MALRD1: variants seen among roughly 807,000 people sequenced by gnomAD.
The protein encoded by MALRD1 is MAM and LDL-receptor class A domain-containing protein 1.
In MALRD1, 247 loss-of-function variants were observed where a neutral mutation model predicts 242.1. That is an observed-to-expected ratio of 1.02 (90% CI 0.92 to 1.13). The LOEUF (loss-of-function observed/expected upper bound fraction) is 1.13, where lower values mean the gene tolerates loss of function less well. Among genes scored for constraint, MALRD1 ranks in the 50% most tolerant of loss-of-function variants. The pLI, the probability that MALRD1 is intolerant of heterozygous loss-of-function variation, is 0.00. For missense variants in MALRD1, 2,989 were observed against 2,533.1 expected, an observed-to-expected ratio of 1.18 and a Z score of -3.86; for synonymous variants, 995 against 866.6, an observed-to-expected ratio of 1.15 and a Z score of -2.60.
chr10:19,082,240 C>T (rs1303785812), intron 2 of MALRD1, among the ~76,000 whole-genome samples: 1 of 151,574 alleles, frequency 6.6e-6, no homozygotes, highest in Non-Finnish European at 1.5e-5. Flanking sequence ...TTTACAACAA[C>T]TTAGGTTGGA....
chr10:19,235,613 A>AGAGAGAGAGAGAGAGC lies in MALRD1; in HGVS notation c.2992-22070_2992-22069insAGAGAGAGAGAGAGCG, dbSNP rs769851042. On this transcript the variant is annotated intron_variant, in intron 18 of 39. Coordinates refer to ENST00000454679, the MANE Select transcript of MALRD1 (RefSeq NM_001142308.3). ...GAGAGAGAGAGAGAGAGAGAGAGAG[A>AGAGAGAGAGAGAGAGC]GCGCCTAGGTAAGAGGCCACCAACC... Among the ~76,000 whole-genome samples, 10 of 143,738 alleles carry AGAGAGAGAGAGAGAGC rather than the reference A, an allele frequency of 7.0e-5. 1 individual carries two copies. Among genetic ancestry groups the AGAGAGAGAGAGAGAGC allele is most frequent in the African/African-American group, 2.4e-4 (9 of 38,292 alleles). The allele number at this position is 143,738 out of a possible 152,430, so 94.3% of individuals were successfully genotyped here.
chr10:19,146,223 G>T lies in MALRD1; in HGVS notation c.1437G>T (p.Glu479Asp). 8.1e-7 allele frequency: 1 copy of T among 1,231,654 alleles called. No homozygotes were observed. Among genetic ancestry groups the T allele is most frequent in the Non-Finnish European group, 1.0e-6 (1 of 987,948 alleles). The allele number at this position is 1,231,654 out of a possible 1,614,324, so 76.3% of individuals were successfully genotyped here. A position where few individuals can be genotyped will look rare whatever the true frequency, so the allele number is the denominator to read the frequency against. ...TCSKHLTCDFESGFCGWEPFL... is the reference protein window; with the variant it reads ...TCSKHLTCDFDSGFCGWEPFL... ...CAAAGCATCTCACCTGTGACTTTGA[G>T]TCGGGTTTCTGCGGTTGGGAGCCAT... Residue 479 changes from glutamate (E) to aspartate (D), a missense_variant, in exon 11 of 40, where the codon GAG (glutamate) becomes GAT (aspartate). Transcript: ENST00000454679.
intron 29 of MALRD1, among the ~76,000 whole-genome samples, chr10:19,470,309 G>A (rs190616777): frequency 1.3e-3 from 205 of 152,012 alleles, no homozygotes; most frequent in African/African-American, 4.3e-3. Flanking sequence ...ATATTCCATT[G>A]CGTGTGTATA....
intron 22 of MALRD1, among the ~76,000 whole-genome samples, chr10:19,325,478 C>G (rs1291694439): frequency 6.6e-6 from 1 of 150,614 alleles, no homozygotes; most frequent in South Asian, 2.1e-4. Context: ...AATATTAATT[C>G]AGATTCCCAA....
intron 33 of MALRD1, among the ~76,000 whole-genome samples, chr10:19,569,745 T>C (rs995525648): frequency 6.8e-6 from 1 of 147,236 alleles, no homozygotes; most frequent in African/African-American, 2.5e-5. Flanking sequence ...GCAGTCCATA[T>C]ATAGAATTCC....
intron 5 of MALRD1, among the ~76,000 whole-genome samples, chr10:19,112,694 A>G (rs1836720659): frequency 6.6e-6 from 1 of 152,184 alleles, no homozygotes. Context: ...TTTTATCTGG[A>G]TAACTTTAGT....
intron 1 of MALRD1, among the ~76,000 whole-genome samples, chr10:19,060,031 G>A (rs948319796): frequency 3.9e-5 from 6 of 152,160 alleles, no homozygotes; most frequent in African/African-American, 4.8e-5. Context: ...GGGTTAAATC[G>A]TGCATTGTCT....
chr10:19,447,871 A>G (rs1165817621), intron 28 of MALRD1, among the ~76,000 whole-genome samples: 1 of 152,222 alleles, frequency 6.6e-6, no homozygotes, highest in East Asian at 1.9e-4. Flanking sequence ...ACGAAATTCC[A>G]TTAATTAGGT....
At chr10:19,344,840 A>G (rs1257447728) in intron 24 of MALRD1, among the ~76,000 whole-genome samples, 5 of 151,978 alleles carry the variant, frequency 3.3e-5, no homozygotes, top group Admixed American at 2.0e-4. Flanking sequence ...TCAGCCTACA[A>G]ATTTTGTACC....
chr10:19,128,396 A>C lies in MALRD1; in HGVS notation c.1110+9A>C. 2.4e-6 allele frequency: 3 copies of C among 1,231,832 alleles called. No homozygotes were observed. Among genetic ancestry groups the C allele is most frequent in the Non-Finnish European group, 2.0e-6 (2 of 986,428 alleles). The allele number at this position is 1,231,832 out of a possible 1,614,324, so 76.3% of individuals were successfully genotyped here. On this transcript the variant is annotated intron_variant, in intron 8 of 39. Transcript: ENST00000454679. ...GACTGTATAATAATAAGGTAAGAAG[A>C]AAGTTGCATTTATTTCAAATTCATT...
chr10:19,609,270 T>G (rs1470216062), intron 35 of MALRD1, among the ~76,000 whole-genome samples: 1 of 152,046 alleles, frequency 6.6e-6, no homozygotes, highest in Non-Finnish European at 1.5e-5. Flanking sequence ...GACACAGATA[T>G]TGGGTTAGAG....
At chr10:19,387,415 A>G (rs1486972884) in intron 26 of MALRD1, 113 bp from the exon 27 acceptor site, 31 of 1,313,984 alleles carry the variant, frequency 2.4e-5, no homozygotes, top group Middle Eastern at 4.3e-4. Context: ...TCAAATTCCT[A>G]AGAACAATAT....
Position 19,305,893 on chromosome 10 carries a change from T to TAA in MALRD1, c.3420-18056_3420-18055insAA, listed in dbSNP as rs546556325. On this transcript the variant is annotated intron_variant, in intron 21 of 39. Coordinates refer to ENST00000454679, the MANE Select transcript of MALRD1 (RefSeq NM_001142308.3). ...TATTATATAATATATATAATATATA[T>TAA]TATATATACTATATACTATATTATA... is the stretch of plus-strand genomic sequence containing the variant. Among the ~76,000 whole-genome samples the TAA allele has an allele frequency of 9.3e-3, 1,212 of 130,678 alleles. 24 individuals carry two copies. Among genetic ancestry groups the TAA allele is most frequent in the African/African-American group, 0.034 (1,149 of 34,166 alleles). The allele number at this position is 130,678 out of a possible 152,430, so 85.7% of individuals were successfully genotyped here.
intron 4 of MALRD1, among the ~76,000 whole-genome samples, chr10:19,099,753 A>G (rs1209414909): frequency 1.0e-5 from 1 of 98,086 alleles, no homozygotes; most frequent in African/African-American, 5.1e-5. Context: ...TAGAACCTAT[A>G]TATATATATA....
At chr10:19,720,862 C>T (rs951525619) in intron 38 of MALRD1, among the ~76,000 whole-genome samples, 2 of 151,988 alleles carry the variant, frequency 1.3e-5, no homozygotes, top group African/African-American at 4.8e-5. Context: ...TAAAATAACA[C>T]TTTAAGGTTT....
intron 24 of MALRD1, among the ~76,000 whole-genome samples, chr10:19,345,702 A>G (rs1844084890): frequency 6.6e-6 from 1 of 151,958 alleles, no homozygotes; most frequent in South Asian, 2.1e-4. Context: ...ACAAATTTGT[A>G]TTGGCTGTTA....
chr10:19,549,865 C>T (rs1019802182), intron 32 of MALRD1, among the ~76,000 whole-genome samples: 2 of 152,132 alleles, frequency 1.3e-5, no homozygotes, highest in Non-Finnish European at 2.9e-5. Flanking sequence ...GAATCTGGTT[C>T]CTAATTCCTA....
intron 26 of MALRD1, among the ~76,000 whole-genome samples, chr10:19,377,643 T>TG (rs200662862): frequency 0.041 from 6,194 of 151,914 alleles, 211 homozygotes; most frequent in African/African-American, 0.092. Context: ...ATAATTATTT[T>TG]TTTTTCATTT....
At chr10:19,181,925 T>C (rs1323851912) in intron 14 of MALRD1, among the ~76,000 whole-genome samples, 1 of 152,156 alleles carries the variant, frequency 6.6e-6, no homozygotes. Flanking sequence ...AATAGTGTTG[T>C]AATGATAACT....
Sources: allele counts gnomAD v4.1 joint callset (sites outside exome capture counted in the v4.1 genomes callset), GRCh38; gene constraint gnomAD v4.1.1; transcripts MANE v1.5; gene names NCBI Gene and HGNC (gene_info 2026-07-23, HGNC 2026-07-21).